Variants in CAMTA1 observed in about 807,000 individuals in gnomAD.
The protein encoded by CAMTA1 is calmodulin binding transcription activator 1.
In CAMTA1, 27 loss-of-function variants were observed where a neutral mutation model predicts 170.9. The observed-to-expected ratio is 0.16, with a 90% confidence interval of 0.12 to 0.22. The LOEUF (loss-of-function observed/expected upper bound fraction) is 0.22, where lower values mean the gene tolerates loss of function less well. Ranked by LOEUF, CAMTA1 falls within the 10% of genes least tolerant of loss-of-function variation. The pLI is 1.00. For synonymous variants in CAMTA1, 833 were observed against 891.5 expected, an observed-to-expected ratio of 0.93 and a Z score of 1.17; for missense variants, 1,619 against 2,217.2, an observed-to-expected ratio of 0.73 and a Z score of 5.42.
intron 6 of CAMTA1, among the ~76,000 whole-genome samples, chr1:7,639,036 G>T (rs975482765): frequency 1.3e-5 from 2 of 152,126 alleles, no homozygotes; most frequent in Admixed American, 6.5e-5. Context: ...TGGAGTGCAG[G>T]GGTGCGATCT....
intron 6 of CAMTA1, among the ~76,000 whole-genome samples, chr1:7,632,817 T>C (rs1414424896): frequency 6.6e-6 from 1 of 152,218 alleles, no homozygotes; most frequent in Non-Finnish European, 1.5e-5. Context: ...AGCTCACTGC[T>C]GCATCCTCAA....
intron 7 of CAMTA1, among the ~76,000 whole-genome samples, chr1:7,657,648 C>A (rs962983394): frequency 6.6e-6 from 1 of 152,186 alleles, no homozygotes; most frequent in Non-Finnish European, 1.5e-5. Context: ...AATCTCCCTT[C>A]CCACTGATTC....
At chr1:7,263,858 C>G (rs1477750088) in intron 5 of CAMTA1, among the ~76,000 whole-genome samples, 1 of 152,182 alleles carries the variant, frequency 6.6e-6, no homozygotes, top group Admixed American at 6.5e-5. Flanking sequence ...ATTTCCAAGG[C>G]TGTATATTTC....
At chr1:7,655,084 CCA>C (rs2095878467) in intron 7 of CAMTA1, among the ~76,000 whole-genome samples, 1 of 58,468 alleles carries the variant, frequency 1.7e-5, no homozygotes, top group Non-Finnish European at 3.3e-5. Context: ...ACACACACAC[CCA>C]CCTATACACA....
chr1:6,895,579 A>G (rs1477235054), intron 3 of CAMTA1, among the ~76,000 whole-genome samples: 3 of 152,260 alleles, frequency 2.0e-5, no homozygotes, highest in African/African-American at 7.2e-5. Flanking sequence ...GTCAGCATGA[A>G]TAATCTGGCC....
At chr1:6,803,532 C>T (rs1375571430) in intron 1 of CAMTA1, among the ~76,000 whole-genome samples, 2 of 152,170 alleles carry the variant, frequency 1.3e-5, no homozygotes, top group Non-Finnish European at 2.9e-5. Context: ...TACTAGCCTG[C>T]GCACCGTTGA....
Position 7,195,374 on chromosome 1 carries a change from T to C in CAMTA1, c.303-54117T>C, listed in dbSNP as rs1056719416. 6.6e-6 allele frequency among the ~76,000 whole-genome samples: 1 copy of C among 152,168 alleles called. No homozygotes were observed. The highest frequency in any genetic ancestry group is 2.4e-5 in the African/African-American group (1 of 41,428). On this transcript the variant is annotated intron_variant, in intron 4 of 22. Transcript: ENST00000303635. This position sits in a 1 kb window ranked among gnomAD's most constrained non-coding sequence, Gnocchi z 4.1. ...TGTTGCTATACACATTCTCTGCTTG[T>C]CTTGGCTATTTGGAAGCACATTCAG...
chr1:7,252,947 A>G (rs1574218904), intron 5 of CAMTA1, among the ~76,000 whole-genome samples: 1 of 152,248 alleles, frequency 6.6e-6, no homozygotes, highest in South Asian at 2.1e-4. Context: ...TCAAAGGCAC[A>G]TTGATTTTCT....
At chr1:7,003,003 G>A (rs909166893) in intron 3 of CAMTA1, among the ~76,000 whole-genome samples, 2 of 152,200 alleles carry the variant, frequency 1.3e-5, no homozygotes, top group East Asian at 1.9e-4. Context: ...TGCTGTGCTC[G>A]GACTCAGGGT....
intron 5 of CAMTA1, among the ~76,000 whole-genome samples, chr1:7,427,878 C>T (rs991974609): frequency 1.3e-5 from 2 of 152,086 alleles, no homozygotes; most frequent in Non-Finnish European, 2.9e-5. Context: ...GCTCTGGGTT[C>T]CAGAATATTC....
chr1:7,108,998 TG>T (rs1349102129), intron 4 of CAMTA1, among the ~76,000 whole-genome samples: 1 of 152,194 alleles, frequency 6.6e-6, no homozygotes, highest in East Asian at 1.9e-4. Context: ...GCTGTTGAGC[TG>T]AGGGCTGAAC....
chr1:6,982,504 C>T (rs980379682), intron 3 of CAMTA1, among the ~76,000 whole-genome samples: 1 of 151,998 alleles, frequency 6.6e-6, no homozygotes, highest in South Asian at 2.1e-4. Flanking sequence ...CAGCAGGCTC[C>T]TTATGGGGGT....
chr1:7,039,066 T>C (rs1047044996), intron 3 of CAMTA1, among the ~76,000 whole-genome samples: 1 of 152,044 alleles, frequency 6.6e-6, no homozygotes, highest in Non-Finnish European at 1.5e-5. Context: ...ATAAAATAAA[T>C]AAATAACAAA....
chr1:7,516,194 T>TG (rs2094283877), intron 6 of CAMTA1, among the ~76,000 whole-genome samples: 1 of 152,374 alleles, frequency 6.6e-6, no homozygotes, highest in African/African-American at 2.4e-5. Flanking sequence ...GGGTTTTGTT[T>TG]GGAACTTAAA....
chr1:7,310,718 CTTTCTTTCTTTCTTTCTTTCTTTCTTTTT>C (rs1676562466), intron 5 of CAMTA1, among the ~76,000 whole-genome samples: 1 of 62,574 alleles, frequency 1.6e-5, no homozygotes, highest in African/African-American at 8.8e-5. Flanking sequence ...TTCTTTCTTT[CTTTCTTTCTTTCTTTCTTTCTTTCTTTTT>C]TTTAAGACAG....
intron 6 of CAMTA1, among the ~76,000 whole-genome samples, chr1:7,531,324 A>C (rs2094490476): frequency 6.6e-6 from 1 of 152,098 alleles, no homozygotes; most frequent in South Asian, 2.1e-4. Flanking sequence ...TCCATGCCTC[A>C]CGCTCTTCAC....
intron 4 of CAMTA1, among the ~76,000 whole-genome samples, chr1:7,202,379 G>A (rs1018759792): frequency 1.3e-5 from 2 of 152,080 alleles, no homozygotes; most frequent in African/African-American, 4.8e-5. Context: ...GTCTCTTACA[G>A]TTTCATATGA....
Position 7,250,922 on chromosome 1 carries a change from C to T in CAMTA1, c.438+1296C>T, listed in dbSNP as rs946529022. On this transcript the variant is annotated intron_variant, in intron 5 of 22. Transcript: ENST00000303635. ...CTGGGCGCACCTCTAGGACGGTGACCGCTGATCGTACAAAGGCATTAGCCA... is the reference window on the plus strand; with the variant it reads ...CTGGGCGCACCTCTAGGACGGTGACTGCTGATCGTACAAAGGCATTAGCCA... Among the ~76,000 whole-genome samples, 6 of 152,166 alleles carry T rather than the reference C, an allele frequency of 3.9e-5. No homozygotes were observed. The South Asian group carries it at 8.3e-4, about 21-fold the overall frequency.
chr1:6,822,528 C>T (rs548180243), intron 2 of CAMTA1, among the ~76,000 whole-genome samples: 8 of 152,216 alleles, frequency 5.3e-5, no homozygotes, highest in East Asian at 1.9e-4. Flanking sequence ...TTATATTCAG[C>T]GTGAACCTAA....
Sources: allele counts gnomAD v4.1 joint callset (sites outside exome capture counted in the v4.1 genomes callset), GRCh38; gene constraint gnomAD v4.1.1; non-coding constraint Gnocchi (gnomAD v3.1); transcripts MANE v1.5; gene names NCBI Gene and HGNC (gene_info 2026-07-23, HGNC 2026-07-21).